The following DSE variants were observed in gnomAD, a reference collection of about 807,000 sequenced individuals.
DSE encodes dermatan sulfate epimerase.
DSE carries 36 observed loss-of-function variants against 84.4 expected under a neutral mutation model. The ratio of observed to expected loss-of-function variants is 0.43; its 90% CI spans 0.33 to 0.56. DSE has a LOEUF of 0.56. DSE is among the 20% of genes least tolerant of loss of function. The pLI, the probability that DSE is intolerant of heterozygous loss-of-function variation, is 0.06. For synonymous variants in DSE, 410 were observed against 430.1 expected, an observed-to-expected ratio of 0.95 and a Z score of 0.58; for missense variants, 862 against 1,169.6, an observed-to-expected ratio of 0.74 and a Z score of 3.84.
At chr6:116,278,554 A>G (rs1257416316) in intron 2 of DSE, 2 of 1,614,060 alleles carry the variant, frequency 1.2e-6, no homozygotes, top group African/African-American at 2.7e-5. Context: ...GGGGATCTCT[A>G]CAGGCTCCCT....
chr6:116,350,107 A>T (rs1778222346), intron 2 of DSE, among the ~76,000 whole-genome samples: 1 of 152,242 alleles, frequency 6.6e-6, no homozygotes, highest in Non-Finnish European at 1.5e-5. Flanking sequence ...GAGGCTAATT[A>T]GCTCAAATCC....
chr6:116,356,569 G>T (rs962838363), intron 2 of DSE, among the ~76,000 whole-genome samples: 1 of 152,100 alleles, frequency 6.6e-6, no homozygotes. Context: ...GAAGGCATAG[G>T]TTCCATAGCT....
chr6:116,281,185 A>T (rs1335619799), intron 2 of DSE, among the ~76,000 whole-genome samples: 1 of 152,118 alleles, frequency 6.6e-6, no homozygotes, highest in Non-Finnish European at 1.5e-5. Flanking sequence ...GAGGGAGGAA[A>T]GGGAAATCGC....
intron 2 of DSE, among the ~76,000 whole-genome samples, chr6:116,264,429 A>G (rs1259707854): frequency 6.6e-6 from 1 of 152,140 alleles, no homozygotes; most frequent in Non-Finnish European, 1.5e-5. Context: ...CAGCTCTATC[A>G]GATCGGCTAC....
At chr6:116,370,503 A>G (rs1052835212), upstream of DSE, 55 of 986,404 alleles carry the variant, frequency 5.6e-5, 1 homozygote, top group South Asian at 2.5e-3. Flanking sequence ...CCCGGTAGTA[A>G]GAGTCTTAAC....
chr6:116,265,002 C>T (rs1395863443), intron 2 of DSE, among the ~76,000 whole-genome samples: 1 of 152,168 alleles, frequency 6.6e-6, no homozygotes, highest in Non-Finnish European at 1.5e-5. Context: ...TGGGTGGTAT[C>T]AGCCAAAGTG....
intron 2 of DSE, among the ~76,000 whole-genome samples, chr6:116,323,224 T>C (rs1048375106): frequency 2.0e-5 from 3 of 152,226 alleles, no homozygotes; most frequent in Non-Finnish European, 4.4e-5. Context: ...TTCTTTAAAA[T>C]ATGTATTTTT....
intron 1 of DSE, among the ~76,000 whole-genome samples, chr6:116,385,813 CA>C (rs57173546): frequency 0.3 from 43,111 of 142,124 alleles, 6,178 homozygotes; most frequent in East Asian, 0.42. Context: ...TTAAAGACAG[CA>C]AAAAAAAAAA....
intron 2 of DSE, among the ~76,000 whole-genome samples, chr6:116,330,279 AT>A (rs934161483): frequency 1.3e-5 from 2 of 152,154 alleles, no homozygotes; most frequent in Non-Finnish European, 2.9e-5. Context: ...CATAATTATT[AT>A]TTGTTTCATT....
intron 2 of DSE, among the ~76,000 whole-genome samples, chr6:116,313,977 T>G (rs1360242280): frequency 2.6e-5 from 4 of 152,238 alleles, no homozygotes; most frequent in African/African-American, 9.6e-5. Context: ...GGCAGATAGC[T>G]GTTTTCTGTT....
At chr6:116,258,879 G>A (rs759525716) in exon 2 of DSE, 30 of 1,605,670 alleles carry the variant, frequency 1.9e-5, no homozygotes, top group African/African-American at 1.6e-4. Context: ...TGTTGCAGCC[G>A]TGCATCATCA....
intron 1 of DSE, among the ~76,000 whole-genome samples, chr6:116,396,468 A>G (rs1210665196): frequency 6.6e-6 from 1 of 152,138 alleles, no homozygotes; most frequent in African/African-American, 2.4e-5. Context: ...GTTCTGCAGA[A>G]TCTCTATGGG....
At chr6:116,279,122 G>C in intron 2 of DSE, 2 of 1,614,112 alleles carry the variant, frequency 1.2e-6, no homozygotes, top group Middle Eastern at 1.6e-4. Context: ...TCCAGTTCCA[G>C]CTGGATGGCC....
intron 2 of DSE, among the ~76,000 whole-genome samples, chr6:116,338,347 C>T (rs1439737051): frequency 2.0e-5 from 3 of 151,416 alleles, no homozygotes; most frequent in East Asian, 3.9e-4. Context: ...CTCAGCCTCC[C>T]TAGTAGCTGG....
chr6:116,382,037 C>CTGTATGTGTGTG (rs1554220227), intron 1 of DSE, among the ~76,000 whole-genome samples: 2 of 144,770 alleles, frequency 1.4e-5, no homozygotes, highest in African/African-American at 2.6e-5. Flanking sequence ...ACATGGCATT[C>CTGTATGTGTGTG]TGTGTGTGTG....
chr6:116,275,149 T>C (rs2114622569), intron 2 of DSE, among the ~76,000 whole-genome samples: 1 of 152,350 alleles, frequency 6.6e-6, no homozygotes, highest in East Asian at 1.9e-4. Flanking sequence ...ACTAGCCACA[T>C]TTCAAGTGCT....
In DSE at chr6:116,343,919, A is replaced by C. The variant is rs575112144; in HGVS notation, c.-53-55279A>C. ...GATTAGATGAGTGGCTAACTAGAAT[A>C]AACAGTGTAGAGAAGACCTTAAATG... On this transcript the variant is annotated intron_variant, in intron 2 of 3. Transcript: ENST00000430252. 1.5e-4 allele frequency among the ~76,000 whole-genome samples: 23 copies of C among 152,350 alleles called. No individual in the cohort carries two copies. The East Asian group carries it at 4.4e-3, about 29-fold the overall frequency.
At chr6:116,319,369 G>A (rs1035741207) in intron 2 of DSE, among the ~76,000 whole-genome samples, 5 of 152,256 alleles carry the variant, frequency 3.3e-5, no homozygotes, top group Admixed American at 6.5e-5. Flanking sequence ...GTTATTCAGG[G>A]ACACATGCTA....
chr6:116,272,546 T>C (rs1300617503), intron 2 of DSE, among the ~76,000 whole-genome samples: 2 of 152,206 alleles, frequency 1.3e-5, no homozygotes, highest in Non-Finnish European at 2.9e-5. Flanking sequence ...CTCTACGATA[T>C]ACCAGGCTCT....
Sources: allele counts gnomAD v4.1 joint callset (sites outside exome capture counted in the v4.1 genomes callset), GRCh38; gene constraint gnomAD v4.1.1; transcripts MANE v1.5; gene names NCBI Gene and HGNC (gene_info 2026-07-23, HGNC 2026-07-21).